Variants in PTP4A1 observed in about 807,000 individuals in gnomAD.
PTP4A1 encodes protein tyrosine phosphatase type IVA 1.
Under a neutral mutation model 20.5 loss-of-function variants are expected in PTP4A1, and 9 were observed. That is an observed-to-expected ratio of 0.44 (90% CI 0.26 to 0.77). The LOEUF is 0.77. PTP4A1 is among the 30% of genes least tolerant of loss of function. PTP4A1 has a pLI of 0.19. For synonymous variants in PTP4A1, 78 were observed against 67.4 expected (o/e 1.16, Z -0.77); for missense variants, 137 against 218.8 (o/e 0.63, Z 2.36).
upstream of PTP4A1, chr6:63,572,443 C>T (rs1777498562): frequency 2.7e-6 from 1 of 375,838 alleles, no homozygotes; most frequent in Non-Finnish European, 4.7e-6. Flanking sequence ...TTGCACGTCG[C>T]GCCGGCTATA....
chr6:63,534,091 C>A (rs984095583), intron 2 of PTP4A1, among the ~76,000 whole-genome samples: 1 of 152,042 alleles, frequency 6.6e-6, no homozygotes, highest in Non-Finnish European at 1.5e-5. Context: ...GATCTGCCCA[C>A]CTTGACCTAT....
intron 2 of PTP4A1, among the ~76,000 whole-genome samples, chr6:63,540,404 T>C (rs1775907671): frequency 6.6e-6 from 1 of 152,062 alleles, no homozygotes; most frequent in Admixed American, 6.6e-5. Flanking sequence ...GCAGATTGCT[T>C]GAGGTCAGGA....
intron 1 of PTP4A1, among the ~76,000 whole-genome samples, chr6:63,574,316 C>T (rs1394325145): frequency 6.6e-6 from 1 of 152,182 alleles, no homozygotes; most frequent in East Asian, 1.9e-4. Flanking sequence ...ACTCTTTCCT[C>T]CTCTCCCTTC....
chr6:63,536,794 A>C (rs1775748024), intron 2 of PTP4A1, among the ~76,000 whole-genome samples: 1 of 152,144 alleles, frequency 6.6e-6, no homozygotes, highest in Non-Finnish European at 1.5e-5. Flanking sequence ...TTATTTATGT[A>C]AATAATGATA....
At chr6:63,552,193 C>T (rs537693952) in intron 3 of PTP4A1, among the ~76,000 whole-genome samples, 1 of 152,312 alleles carries the variant, frequency 6.6e-6, no homozygotes, top group East Asian at 1.9e-4. Flanking sequence ...TCCACATCCT[C>T]TCCAGCACCT....
chr6:63,525,594 G>A (rs755154259), intron 1 of PTP4A1, among the ~76,000 whole-genome samples: 47 of 152,202 alleles, frequency 3.1e-4, no homozygotes, highest in African/African-American at 1.0e-3. Flanking sequence ...TCTCCTCTGC[G>A]TTCTGAAGCA....
At chr6:63,552,594 C>T (rs1036008195) in intron 3 of PTP4A1, among the ~76,000 whole-genome samples, 16 of 152,310 alleles carry the variant, frequency 1.1e-4, no homozygotes, top group African/African-American at 3.8e-4. Flanking sequence ...GTGTTTTAGA[C>T]ATGAAGTCCT....
chr6:63,544,204 G>A (rs72880893), intron 2 of PTP4A1, among the ~76,000 whole-genome samples: 1,977 of 152,184 alleles, frequency 0.013, 22 homozygotes, highest in Middle Eastern at 0.02. Context: ...AACATTCTTT[G>A]ATGTAATTTG....
chr6:63,551,883 T>G (rs1171362707), intron 3 of PTP4A1, among the ~76,000 whole-genome samples: 3 of 152,226 alleles, frequency 2.0e-5, no homozygotes, highest in African/African-American at 7.2e-5. Context: ...CATCATTTTT[T>G]ATGGCTGCAT....
chr6:63,580,121 C>A lies in PTP4A1; in HGVS notation c.469C>A (p.Arg157=). The A allele has an allele frequency of 6.2e-7, 1 of 1,613,060 alleles. No homozygotes were observed. The highest frequency in any genetic ancestry group is 2.2e-5 in the East Asian group (1 of 44,836). ...TTTGGAGAAGTATCGTCCTAAAATG[C>A]GGCTGCGTTTCAAAGATTCCAACGG... ...LYLEKYRPKM[R]LRFKDSNGHR... Residue 157 remains arginine, a synonymous_variant, in exon 6 of 6, where the codon CGG becomes AGG. Coordinates refer to ENST00000626021, the MANE Select transcript of PTP4A1 (RefSeq NM_003463.5).
chr6:63,575,712 T>C (rs984630105), intron 1 of PTP4A1, among the ~76,000 whole-genome samples: 14 of 152,088 alleles, frequency 9.2e-5, no homozygotes, highest in Admixed American at 5.9e-4. Flanking sequence ...TAAATGAGAG[T>C]TGTTTCCTTT....
chr6:63,561,838 C>T (rs1339435557), intron 3 of PTP4A1, among the ~76,000 whole-genome samples: 2 of 152,188 alleles, frequency 1.3e-5, no homozygotes, highest in South Asian at 4.1e-4. Context: ...GGAATCAGAA[C>T]GAAAGTGATT....
Position 63,581,720 on chromosome 6 carries a change from G to C in PTP4A1, c.*1546G>C, listed in dbSNP as rs1048106424. On this transcript the variant is annotated 3_prime_UTR_variant, in exon 6 of 6. Transcript: ENST00000626021. ...TACTGAGGAGAAATAATGTATAGTAGAGGACAGCCTTGGTTTGTAAAGCTC... is the reference window on the plus strand; with the variant it reads ...TACTGAGGAGAAATAATGTATAGTACAGGACAGCCTTGGTTTGTAAAGCTC... 1 of 152,090 alleles carries C rather than the reference G, an allele frequency of 6.6e-6. No homozygotes were observed. The highest frequency in any genetic ancestry group is 2.1e-4 in the South Asian group (1 of 4,830). 9.4% of individuals were successfully genotyped at this position (152,090 alleles called of 1,614,324 possible).
chr6:63,529,584 G>C lies in PTP4A1; in HGVS notation c.-640+1500G>C, dbSNP rs114778711. On this transcript the variant is annotated intron_variant, in intron 2 of 3. Transcript: ENST00000639568. Reference sequence around the variant, plus strand: ...CTTTCTTTCCTTTTGTAGAGGAGGGGCTTAAACTTTTAAGAAATTGCTTTG... The same window carrying C: ...CTTTCTTTCCTTTTGTAGAGGAGGGCCTTAAACTTTTAAGAAATTGCTTTG... Among the ~76,000 whole-genome samples the C allele has an allele frequency of 2.6e-3, 391 of 152,168 alleles. 1 individual carries two copies. The highest frequency in any genetic ancestry group is 8.9e-3 in the African/African-American group (369 of 41,530).
intron 1 of PTP4A1, among the ~76,000 whole-genome samples, chr6:63,523,772 T>C (rs1387033245): frequency 1.3e-5 from 2 of 152,068 alleles, no homozygotes; most frequent in Non-Finnish European, 2.9e-5. Context: ...TGTTAGTGTA[T>C]TTCATGTGTG....
intron 2 of PTP4A1, among the ~76,000 whole-genome samples, chr6:63,540,898 G>A (rs1176748016): frequency 6.6e-6 from 1 of 151,720 alleles, no homozygotes; most frequent in Non-Finnish European, 1.5e-5. Context: ...AACTACTCGG[G>A]AGGCTGAGGT....
chr6:63,520,915 G>C (rs1774896634), upstream of PTP4A1, among the ~76,000 whole-genome samples: 1 of 152,124 alleles, frequency 6.6e-6, no homozygotes, highest in South Asian at 2.1e-4. Context: ...AAAAAAGAAT[G>C]AGTTCATGTC....
At chr6:63,562,125 T>G (rs1561909758) in intron 3 of PTP4A1, among the ~76,000 whole-genome samples, 1 of 152,162 alleles carries the variant, frequency 6.6e-6, no homozygotes, top group South Asian at 2.1e-4. Context: ...TATTTCTTTC[T>G]ATTTTTATAG....
rs1034289991 is a variant in PTP4A1, at chr6:63,557,145, G to A, written c.-446+6652G>A. On this transcript the variant is annotated intron_variant, in intron 3 of 3. Transcript: ENST00000639568. The stretch of plus-strand genomic sequence containing the variant: ...TTCTTCAAAGGGTGTGAGAGAGATA[G>A]ATGACATTTAAAAAATGATTATCAT... Among the ~76,000 whole-genome samples the A allele has an allele frequency of 1.2e-4, 19 of 152,348 alleles. No individual in the cohort carries two copies. The East Asian group carries it at 3.7e-3, about 29-fold the overall frequency.
Sources: allele counts gnomAD v4.1 joint callset (sites outside exome capture counted in the v4.1 genomes callset), GRCh38; gene constraint gnomAD v4.1.1; transcripts MANE v1.5; gene names NCBI Gene and HGNC (gene_info 2026-07-23, HGNC 2026-07-21).